Variants in FAIM observed in about 807,000 individuals in gnomAD.
FAIM encodes Fas apoptotic inhibitory molecule, also known as fas apoptotic inhibitory molecule 1.
FAIM carries 14 observed loss-of-function variants against 21.2 expected under a neutral mutation model. The ratio of observed to expected loss-of-function variants is 0.66; its 90% CI spans 0.44 to 1.03. The LOEUF (loss-of-function observed/expected upper bound fraction) is 1.03. Among genes scored for constraint, FAIM ranks in the 50% least tolerant of loss-of-function variants. The pLI is 0.00. For missense variants in FAIM, 222 were observed against 247.1 expected (o/e 0.90, Z 0.68); for synonymous variants, 86 against 80.4 (o/e 1.07, Z -0.37).
chr3:138,625,653 A>G (rs1458532655), intron 4 of FAIM, among the ~76,000 whole-genome samples: 2 of 152,208 alleles, frequency 1.3e-5, no homozygotes, highest in Non-Finnish European at 2.9e-5. Flanking sequence ...AGGCCACAAA[A>G]AAGCTTTGAA....
At chr3:138,628,751 G>A (rs892575474) in intron 4 of FAIM, among the ~76,000 whole-genome samples, 4 of 152,210 alleles carry the variant, frequency 2.6e-5, no homozygotes, top group Middle Eastern at 3.4e-3. Flanking sequence ...CCAAAGTGCT[G>A]GGATTACAGG....
chr3:138,629,425 A>AAAAT (rs2042978687), intron 5 of FAIM: 2 of 285,122 alleles, frequency 7.0e-6, no homozygotes, highest in Non-Finnish European at 1.3e-5. Context: ...CATAGCAAGT[A>AAAAT]AAATACCTAA....
At chr3:138,611,037 G>C (rs761154458) in intron 1 of FAIM, 1 of 1,611,638 alleles carries the variant, frequency 6.2e-7, no homozygotes, top group Admixed American at 1.7e-5. Flanking sequence ...GCCACTCTGA[G>C]GTTAGTGCCC....
intron 1 of FAIM, chr3:138,609,220 G>A (rs75275561): frequency 0.46 from 70,419 of 151,584 alleles, 18,665 homozygotes; most frequent in South Asian, 0.64. Context: ...CCCGCTCACC[G>A]CCGGCAAAGG....
chr3:138,620,583 C>T (rs1260533395), intron 2 of FAIM, among the ~76,000 whole-genome samples: 2 of 152,290 alleles, frequency 1.3e-5, no homozygotes, highest in South Asian at 2.1e-4. Context: ...GCAGCCTCAA[C>T]CTCCTGGGCT....
intron 1 of FAIM, among the ~76,000 whole-genome samples, chr3:138,609,578 A>ATCTCT (rs2042739659): frequency 2.1e-4 from 1 of 4,700 alleles, no homozygotes. Context: ...CTCTCTCTCG[A>ATCTCT]CTCTCTCTCT....
chr3:138,619,855 T>C, intron 2 of FAIM, 85 bp downstream of exon 2: 1 of 1,293,502 alleles, frequency 7.7e-7, no homozygotes, highest in Non-Finnish European at 1.1e-6. Context: ...CAAGATACTC[T>C]GTTAAGAATA....
In FAIM at chr3:138,619,739, G is replaced by C. The variant is rs145680493; in HGVS notation, c.13G>C (p.Asp5His). 4 of 1,613,580 alleles carry C rather than the reference G, an allele frequency of 2.5e-6. No homozygotes were observed. The highest frequency in any genetic ancestry group is 2.5e-6 in the Non-Finnish European group (3 of 1,179,826). MASG[D>H]DSPIFEDDES... The stretch of plus-strand genomic sequence containing the variant: ...GTTTTTGCCAACCATGGCATCTGGA[G>C]ATGACAGTCCTATCTTTGAAGATGA... The change falls in exon 2 of 6, where the codon GAT becomes CAT. Residue 5 changes from aspartate (D) to histidine (H), a missense_variant. Coordinates refer to ENST00000360570, the MANE Select transcript of FAIM (RefSeq NM_001033031.2).
At position 138,622,343 on chromosome 3, in the gene FAIM, T is replaced by C; in HGVS notation, c.333T>C (p.Tyr111=). The stretch of plus-strand genomic sequence containing the variant: ...TTAATGGGAAAAGTCTCAAGAAGTA[T>C]ATGGAGGACAGATCAAAAACCACCA... The part of the protein sequence containing the change: ...LEINGKSLKK[Y]MEDRSKTTNT... The change falls in exon 4 of 6, where the codon TAT becomes TAC. Residue 111 remains tyrosine, a synonymous_variant. Transcript: ENST00000360570. 1 of 1,613,764 alleles carries C rather than the reference T, an allele frequency of 6.2e-7. No individual in the cohort carries two copies. The highest frequency in any genetic ancestry group is 8.5e-7 in the Non-Finnish European group (1 of 1,179,926).
At chr3:138,623,022 A>G (rs1344607585) in intron 4 of FAIM, among the ~76,000 whole-genome samples, 1 of 151,642 alleles carries the variant, frequency 6.6e-6, no homozygotes, top group Admixed American at 6.6e-5. Flanking sequence ...TCTCAAAAAA[A>G]GCAAGACTCC....
intron 1 of FAIM, among the ~76,000 whole-genome samples, chr3:138,613,112 TC>T (rs2042788794): frequency 6.6e-6 from 1 of 151,836 alleles, no homozygotes; most frequent in South Asian, 2.1e-4. Flanking sequence ...CCTCCTGGGT[TC>T]AAGCGATTCT....
In FAIM at chr3:138,633,356, T is replaced by TAATA. The variant is rs149445173; in HGVS notation, c.*282_*285dup. ...TGTTTTACAACAGTAACCTTTACTATAATAAATACTTTTAAAAAAATCTGC... is the reference window on the plus strand; with the variant it reads ...TGTTTTACAACAGTAACCTTTACTATAATAAATAAATACTTTTAAAAAAATCTGC... On this transcript the variant is annotated 3_prime_UTR_variant, in exon 6 of 6. Coordinates refer to ENST00000360570, the MANE Select transcript of FAIM (RefSeq NM_001033031.2). The TAATA allele has an allele frequency of 7.9e-3, 1,606 of 202,890 alleles. 29 individuals are homozygous for TAATA. The highest frequency in any genetic ancestry group is 0.034 in the African/African-American group (1,446 of 42,974). The allele number at this position is 202,890 out of a possible 1,614,324, so 12.6% of individuals were successfully genotyped here.
intron 2 of FAIM, among the ~76,000 whole-genome samples, chr3:138,620,556 T>C (rs538551944): frequency 6.6e-6 from 1 of 152,322 alleles, no homozygotes; most frequent in Non-Finnish European, 1.5e-5. Flanking sequence ...AACGTGGTGG[T>C]GCAATCATGG....
chr3:138,612,083 T>C, intron 1 of FAIM, among the ~76,000 whole-genome samples: 1 of 149,918 alleles, frequency 6.7e-6, no homozygotes, highest in Non-Finnish European at 1.5e-5. Context: ...TATTTGTCAT[T>C]TTTTGTCTGG....
chr3:138,621,486 G>A lies in FAIM; in HGVS notation c.124G>A (p.Glu42Lys), dbSNP rs1168397091. 3.7e-6 allele frequency: 6 copies of A among 1,613,908 alleles called. No homozygotes were observed. The highest frequency in any genetic ancestry group is 2.2e-5 in the East Asian group (1 of 44,844). ...TTTAAGTGACGGAGTCCACAAGATC[G>A]AATTTGAACATGGGACTACATCAGG... ...VALSDGVHKI[E>K]FEHGTTSGKR... Residue 42 changes from glutamate (E) to lysine (K), a missense_variant, in exon 3 of 6, where the codon GAA (glutamate) becomes AAA (lysine). Physicochemically the swap from Glu to Lys is moderately conservative, Grantham distance 56. Coordinates refer to ENST00000360570, the MANE Select transcript of FAIM (RefSeq NM_001033031.2).
rs376735034 is a variant in FAIM at position 138,613,118 on chromosome 3, G to A, written c.-17+4181G>A. On this transcript the variant is annotated intron_variant, in intron 1 of 5. Coordinates refer to ENST00000360570, the MANE Select transcript of FAIM (RefSeq NM_001033031.2). ...CAGCCTCCGCCTCCTGGGTTCAAGC[G>A]ATTCTCCTGCCTCAGCCTCCCGAGT... Among the ~76,000 whole-genome samples, 87 of 151,514 alleles carry A rather than the reference G, an allele frequency of 5.7e-4. 2 individuals carry two copies. In the South Asian group the frequency reaches 7.5e-3, roughly 13 times the overall value.
intron 1 of FAIM, among the ~76,000 whole-genome samples, chr3:138,612,565 G>A (rs939733797): frequency 6.6e-6 from 1 of 152,044 alleles, no homozygotes. Flanking sequence ...TGTATGTACC[G>A]CGTTTTGTTT....
chr3:138,625,655 A>C (rs1285556834), intron 4 of FAIM, among the ~76,000 whole-genome samples: 1 of 152,188 alleles, frequency 6.6e-6, no homozygotes, highest in Non-Finnish European at 1.5e-5. Flanking sequence ...GCCACAAAAA[A>C]GCTTTGAATA....
At chr3:138,619,569 C>G (rs1198520407) in intron 1 of FAIM, 142 bp from the exon 2 acceptor site, 1 of 664,422 alleles carries the variant, frequency 1.5e-6, no homozygotes. Flanking sequence ...TATGTAGAAG[C>G]TGTTTCATCT....
Sources: allele counts gnomAD v4.1 joint callset (sites outside exome capture counted in the v4.1 genomes callset), GRCh38; gene constraint gnomAD v4.1.1; transcripts MANE v1.5; gene names NCBI Gene and HGNC (gene_info 2026-07-23, HGNC 2026-07-21).